The following OXNAD1 variants were observed in gnomAD, a reference collection of about 807,000 sequenced individuals.
OXNAD1 encodes the protein oxidoreductase NAD binding domain containing 1.
In OXNAD1, 34 loss-of-function variants were observed where a neutral mutation model predicts 32.9. That is an observed-to-expected ratio of 1.03 (90% CI 0.79 to 1.38). The LOEUF is 1.38. Ranked by LOEUF, OXNAD1 falls within the 40% of genes most tolerant of loss-of-function variation. The probability of loss-of-function intolerance (pLI) is 0.00; values close to 1 mark genes in which losing one functional copy is unlikely to be tolerated. For missense variants in OXNAD1, 407 were observed against 379.4 expected (o/e 1.07, Z -0.60); for synonymous variants, 134 against 135.2 (o/e 0.99, Z 0.06).
chr3:16,312,925 C>T lies in OXNAD1; in HGVS notation c.*30+9333C>T, dbSNP rs2068068727. On this transcript the variant is annotated intron_variant, in intron 9 of 9. Transcript: ENST00000435829. This position sits in a 1 kb window ranked among gnomAD's most constrained non-coding sequence, Gnocchi z 4.7. ...TAAACCATTGATAAATAATTTAAGA[C>T]TTTATAAATATTATTACAGTATTTC... Among the ~76,000 whole-genome samples the T allele has an allele frequency of 6.6e-6, 1 of 152,110 alleles. No homozygotes were observed. The highest frequency in any genetic ancestry group is 2.4e-5 in the African/African-American group (1 of 41,404).
At position 16,335,092 on chromosome 3, in the gene OXNAD1, G is replaced by T. The variant is rs1036266968; in HGVS notation, c.*31-2020G>T. Among the ~76,000 whole-genome samples the T allele has an allele frequency of 2.6e-5, 4 of 152,218 alleles. No homozygotes were observed. Among genetic ancestry groups the T allele is most frequent in the Non-Finnish European group, 5.9e-5 (4 of 68,044 alleles). On this transcript the variant is annotated intron_variant, in intron 9 of 9. Transcript: ENST00000435829. This position sits in a 1 kb window ranked among gnomAD's most constrained non-coding sequence, Gnocchi z 4.7. ...CCCTTAATACTCATTTCAGACTTCTGACTCAACAAATGTAAGACAATAAAC... is the reference window on the plus strand; with the variant it reads ...CCCTTAATACTCATTTCAGACTTCTTACTCAACAAATGTAAGACAATAAAC...
Position 16,329,789 on chromosome 3 carries a change from G to A in OXNAD1, c.*31-7323G>A, listed in dbSNP as rs910152084. Among the ~76,000 whole-genome samples the A allele has an allele frequency of 6.6e-6, 1 of 152,114 alleles. No homozygotes were observed. Among genetic ancestry groups the A allele is most frequent in the Non-Finnish European group, 1.5e-5 (1 of 68,018 alleles). ...CTTTATCAAGCACTGTGACAAACCC[G>A]CCACAATCAGACAGTAGCCATGGCA... On this transcript the variant is annotated intron_variant, in intron 9 of 9. Coordinates refer to the OXNAD1 transcript ENST00000435829. The surrounding 1 kb of genome is among the most constrained non-coding windows in gnomAD (Gnocchi z 4.5).
chr3:16,321,212 G>A lies in OXNAD1; in HGVS notation c.*31-15900G>A, dbSNP rs1475950160. Among the ~76,000 whole-genome samples, 1 of 152,174 alleles carries A rather than the reference G, an allele frequency of 6.6e-6. No homozygotes were observed. ...GGTTTCCTCGAGCCACAGGATGGAT[G>A]GAGCTGGAGTCTTGGGGTGCAGTGA... On this transcript the variant is annotated intron_variant, in intron 9 of 9. Coordinates refer to the OXNAD1 transcript ENST00000435829. This position sits in a 1 kb window ranked among gnomAD's most constrained non-coding sequence, Gnocchi z 4.8.
intron 9 of OXNAD1, among the ~76,000 whole-genome samples, chr3:16,343,029 G>A (rs183356047): frequency 6.6e-6 from 1 of 152,100 alleles, no homozygotes; most frequent in African/African-American, 2.4e-5. Flanking sequence ...TTAATGTAGA[G>A]AGACAAGGTC....
In OXNAD1 at chr3:16,290,193, C is replaced by G. The variant is rs1440477093; in HGVS notation, c.290+3745C>G. ...CACCTAGGCTCCTTCTGCATACACT[C>G]ACTCATTGGGTATATAGTAAGGGCT... On this transcript the variant is annotated intron_variant, in intron 5 of 8. Transcript: ENST00000285083. This position sits in a 1 kb window ranked among gnomAD's most constrained non-coding sequence, Gnocchi z 4.2. Among the ~76,000 whole-genome samples, 1 of 152,222 alleles carries G rather than the reference C, an allele frequency of 6.6e-6. No homozygotes were observed. The highest frequency in any genetic ancestry group is 1.5e-5 in the Non-Finnish European group (1 of 68,046).
downstream of OXNAD1, among the ~76,000 whole-genome samples, chr3:16,351,065 A>G (rs924662684): frequency 1.3e-5 from 2 of 152,228 alleles, no homozygotes; most frequent in East Asian, 3.9e-4. The surrounding 1 kb of genome is among the most constrained non-coding windows in gnomAD (Gnocchi z 5.4). Flanking sequence ...GTGTTATTAC[A>G]CAGGATTCAC....
chr3:16,309,981 T>C (rs1490377623), downstream of OXNAD1, among the ~76,000 whole-genome samples: 1 of 152,228 alleles, frequency 6.6e-6, no homozygotes, highest in Non-Finnish European at 1.5e-5. Flanking sequence ...ATCTCTGGGG[T>C]TGACAGAATA....
intron 5 of OXNAD1, among the ~76,000 whole-genome samples, 166 bp from the exon 6 acceptor site, chr3:16,294,690 C>T (rs944810661): frequency 2.0e-5 from 3 of 152,060 alleles, no homozygotes; most frequent in Admixed American, 1.3e-4. Context: ...CATGGAATTC[C>T]TTTATAATTC....
Position 16,327,018 on chromosome 3 carries a change from C to T in OXNAD1, c.*31-10094C>T. ...CCACTCAGAGGCTCCTGCTCCGATG[C>T]TTGCTGAAGACTTTAAAAGTTTGGA... On this transcript the variant is annotated intron_variant, in intron 9 of 9. Transcript: ENST00000435829. This position sits in a 1 kb window ranked among gnomAD's most constrained non-coding sequence, Gnocchi z 4.2. 1.7e-6 allele frequency: 1 copy of T among 600,474 alleles called. No individual in the cohort carries two copies. The highest frequency in any genetic ancestry group is 2.9e-6 in the Non-Finnish European group (1 of 343,954). 37.2% of individuals were successfully genotyped at this position (600,474 alleles called of 1,614,324 possible). A position where few individuals can be genotyped will look rare whatever the true frequency, so the allele number is the denominator to read the frequency against.
chr3:16,348,706 A>G lies in OXNAD1; in HGVS notation c.*31-470A>G, dbSNP rs1389365280. On this transcript the variant is annotated intron_variant, in intron 9 of 9. Transcript: ENST00000606098. This position sits in a 1 kb window ranked among gnomAD's most constrained non-coding sequence, Gnocchi z 6.3. ...GTAGTCACTCTCTTTGAGCCTATGG[A>G]GTTTCCCAGTTCCCTGAGGGTTCTG... is the stretch of plus-strand genomic sequence containing the variant. 2.0e-5 allele frequency among the ~76,000 whole-genome samples: 3 copies of G among 152,088 alleles called. No individual in the cohort carries two copies. Among genetic ancestry groups the G allele is most frequent in the Non-Finnish European group, 2.9e-5 (2 of 68,012 alleles).
intron 2 of OXNAD1, among the ~76,000 whole-genome samples, chr3:16,269,644 C>T (rs2064789358): frequency 6.6e-6 from 1 of 152,118 alleles, no homozygotes; most frequent in Non-Finnish European, 1.5e-5. Context: ...TTTCTTCATG[C>T]CTAAAGCACC....
Position 16,335,174 on chromosome 3 carries a change from A to G in OXNAD1, c.*31-1938A>G, listed in dbSNP as rs2070726462. On this transcript the variant is annotated intron_variant, in intron 9 of 9. Transcript: ENST00000435829. The surrounding 1 kb of genome is among the most constrained non-coding windows in gnomAD (Gnocchi z 4.7). Reference sequence around the variant, plus strand: ...TTGTTGCCGCAGCAACAGGAAATTAATCCACAGCTCAGGGCCAGGAAAAGG... The same window carrying G: ...TTGTTGCCGCAGCAACAGGAAATTAGTCCACAGCTCAGGGCCAGGAAAAGG... 6.6e-6 allele frequency among the ~76,000 whole-genome samples: 1 copy of G among 152,232 alleles called. No homozygotes were observed. The highest frequency in any genetic ancestry group is 1.5e-5 in the Non-Finnish European group (1 of 68,042).
rs2066285933 is a variant in OXNAD1, at chr3:16,289,495, G to T, written c.290+3047G>T. On this transcript the variant is annotated intron_variant, in intron 5 of 8. Coordinates refer to ENST00000285083, the MANE Select transcript of OXNAD1 (RefSeq NM_138381.5). The surrounding 1 kb of genome is among the most constrained non-coding windows in gnomAD (Gnocchi z 4.9). Reference sequence around the variant, plus strand: ...ATGCTAGAAAGCAACTTTGAGCCCTGCTGAGAGAAAGAGGACACCAAGAAG... The same window carrying T: ...ATGCTAGAAAGCAACTTTGAGCCCTTCTGAGAGAAAGAGGACACCAAGAAG... Among the ~76,000 whole-genome samples the T allele has an allele frequency of 1.3e-5, 2 of 152,190 alleles. No homozygotes were observed. The highest frequency in any genetic ancestry group is 1.3e-4 in the Admixed American group (2 of 15,286).
chr3:16,300,244 A>G (rs2067084329), intron 6 of OXNAD1, among the ~76,000 whole-genome samples: 1 of 152,200 alleles, frequency 6.6e-6, no homozygotes, highest in Admixed American at 6.6e-5. Context: ...AATACAAAGG[A>G]GAAATAAAAG....
At chr3:16,300,015 G>A (rs778633325) in intron 6 of OXNAD1, among the ~76,000 whole-genome samples, 1 of 152,154 alleles carries the variant, frequency 6.6e-6, no homozygotes, top group Non-Finnish European at 1.5e-5. Flanking sequence ...TTTTCCAGGG[G>A]TGGCAGATGA....
chr3:16,278,192 G>C (rs1249693376), intron 4 of OXNAD1, among the ~76,000 whole-genome samples: 1 of 152,204 alleles, frequency 6.6e-6, no homozygotes, highest in East Asian at 1.9e-4. Context: ...GAAAATGATA[G>C]ATAAGCTCCT....
chr3:16,286,093 G>T (rs1280160483), intron 4 of OXNAD1, among the ~76,000 whole-genome samples: 3 of 152,074 alleles, frequency 2.0e-5, no homozygotes, highest in Non-Finnish European at 4.4e-5. Flanking sequence ...AAGATCCCTT[G>T]AATAGATGAT....
rs2067220702 is a variant in OXNAD1, at chr3:16,302,026, C to T, written c.675+158C>T. On this transcript the variant is annotated intron_variant, in intron 7 of 8. Coordinates refer to ENST00000285083, the MANE Select transcript of OXNAD1 (RefSeq NM_138381.5). The surrounding 1 kb of genome is among the most constrained non-coding windows in gnomAD (Gnocchi z 4.2). The stretch of plus-strand genomic sequence containing the variant: ...ATGAGAACTAACCAACACACCTTAC[C>T]CAAGACAAGTAAAACTGCTAGTGTT... Among the ~76,000 whole-genome samples, 1 of 152,110 alleles carries T rather than the reference C, an allele frequency of 6.6e-6. No homozygotes were observed. Among genetic ancestry groups the T allele is most frequent in the Admixed American group, 6.5e-5 (1 of 15,278 alleles).
At chr3:16,308,372 T>C (rs139964364), downstream of OXNAD1, among the ~76,000 whole-genome samples, 11 of 151,892 alleles carry the variant, frequency 7.2e-5, no homozygotes, top group African/African-American at 2.2e-4. The surrounding 1 kb of genome is among the most constrained non-coding windows in gnomAD (Gnocchi z 4.4). Flanking sequence ...GGTAGGAGGA[T>C]TGTTATATGG....
Sources: gnomAD v4.1 joint callset for allele counts (sites outside exome capture counted in the v4.1 genomes callset) on GRCh38, gnomAD v4.1.1 for gene constraint, Gnocchi (gnomAD v3.1) non-coding constraint, MANE v1.5 for transcripts, NCBI Gene and HGNC (gene_info 2026-07-23, HGNC 2026-07-21) for gene names.